The following DLG2 variants were observed in gnomAD, a reference collection of about 807,000 sequenced individuals.
DLG2 encodes the protein discs large MAGUK scaffold protein 2, also known as disks large homolog 2.
A neutral mutation model predicts 132.5 loss-of-function variants in DLG2; 45 were observed. The observed-to-expected ratio is 0.34, with a 90% CI of 0.27 to 0.44. The LOEUF (loss-of-function observed/expected upper bound fraction) is 0.44, where lower values mean the gene tolerates loss of function less well. Ranked by LOEUF, DLG2 falls within the 20% of genes least tolerant of loss-of-function variation. The pLI is 1.00. For missense variants in DLG2, 1,045 were observed against 1,196.9 expected (o/e 0.87, Z 1.87); for synonymous variants, 424 against 419.6 (o/e 1.01, Z -0.13).
chr11:84,502,618 G>A (rs571325489), intron 7 of DLG2, among the ~76,000 whole-genome samples: 7 of 151,452 alleles, frequency 4.6e-5, no homozygotes, highest in South Asian at 2.1e-4. Context: ...GGCTAATTTC[G>A]AACTCCTGGC....
intron 3 of DLG2, among the ~76,000 whole-genome samples, chr11:85,295,211 G>T (rs760467309): frequency 1.3e-5 from 2 of 152,070 alleles, no homozygotes; most frequent in East Asian, 3.9e-4. Flanking sequence ...GATTTACCAT[G>T]TAAATTCTAC....
chr11:84,770,643 CTT>C (rs34470318), intron 6 of DLG2, among the ~76,000 whole-genome samples: 6 of 140,318 alleles, frequency 4.3e-5, no homozygotes, highest in Middle Eastern at 3.5e-3. Flanking sequence ...TGATTTCATT[CTT>C]TTTTTTTTTT....
At chr11:84,388,235 G>A (rs950509303) in intron 7 of DLG2, among the ~76,000 whole-genome samples, 5 of 152,100 alleles carry the variant, frequency 3.3e-5, no homozygotes, top group Middle Eastern at 3.2e-3. Flanking sequence ...GCGGATGGCC[G>A]TGTCATTAAT....
At chr11:85,040,753 T>C (rs2061792577) in intron 6 of DLG2, among the ~76,000 whole-genome samples, 1 of 151,920 alleles carries the variant, frequency 6.6e-6, no homozygotes, top group African/African-American at 2.4e-5. Flanking sequence ...CTATGTTGAT[T>C]TGTTTAATCC....
At chr11:84,916,606 C>T (rs945372787) in intron 6 of DLG2, among the ~76,000 whole-genome samples, 4 of 152,162 alleles carry the variant, frequency 2.6e-5, no homozygotes, top group Non-Finnish European at 4.4e-5. Context: ...CCCTGGATTA[C>T]TGCAGGAACT....
chr11:85,194,678 G>C (rs1287649590), intron 4 of DLG2, among the ~76,000 whole-genome samples: 1 of 151,672 alleles, frequency 6.6e-6, no homozygotes, highest in African/African-American at 2.4e-5. Flanking sequence ...TTAAATGCTG[G>C]TACATCCCTC....
intron 19 of DLG2, among the ~76,000 whole-genome samples, chr11:83,607,725 CA>C (rs2059551459): frequency 6.6e-6 from 1 of 152,148 alleles, no homozygotes; most frequent in Non-Finnish European, 1.5e-5. Context: ...TATCCTTCAA[CA>C]GAAGAATGGA....
In DLG2 at chr11:83,997,730, C is replaced by CAAAAAAAAAAAAAAAAAAAAAA. The variant is rs71066079; in HGVS notation, c.920-17110_920-17089dup. On this transcript the variant is annotated intron_variant, in intron 11 of 27. Coordinates refer to ENST00000376104, the MANE Select transcript of DLG2 (RefSeq NM_001142699.3). ...TGGGTGACAGAGCAAGACTCCATCT[C>CAAAAAAAAAAAAAAAAAAAAAA]AAAAAAAAAAAAAAAAAAAAAAAAA... is the stretch of plus-strand genomic sequence containing the variant. 1.2e-4 allele frequency among the ~76,000 whole-genome samples: 3 copies of CAAAAAAAAAAAAAAAAAAAAAA among 24,796 alleles called. 1 individual carries two copies. The highest frequency in any genetic ancestry group is 4.5e-4 in the African/African-American group (3 of 6,722). The allele number at this position is 24,796 out of a possible 152,430, so 16.3% of individuals were successfully genotyped here. A position where few individuals can be genotyped will look rare whatever the true frequency, so the allele number is the denominator to read the frequency against.
At chr11:85,510,012 G>A (rs906170190) in intron 3 of DLG2, 2 of 142,560 alleles carry the variant, frequency 1.4e-5, no homozygotes, top group African/African-American at 5.2e-5. Flanking sequence ...ACAAAAGGAT[G>A]ACACACAAAT....
chr11:85,093,006 A>G (rs529796196), intron 6 of DLG2, among the ~76,000 whole-genome samples: 17 of 152,176 alleles, frequency 1.1e-4, no homozygotes, highest in Non-Finnish European at 2.2e-4. Flanking sequence ...AGGAATATCC[A>G]TCACCTCAAG....
At chr11:84,103,975 G>A (rs774642451) in intron 9 of DLG2, among the ~76,000 whole-genome samples, 1 of 151,818 alleles carries the variant, frequency 6.6e-6, no homozygotes, top group Non-Finnish European at 1.5e-5. Flanking sequence ...TTATCCTAAA[G>A]AAATAATCAG....
intron 7 of DLG2, among the ~76,000 whole-genome samples, chr11:84,441,937 G>C (rs1364682285): frequency 6.6e-6 from 1 of 152,088 alleles, no homozygotes; most frequent in African/African-American, 2.4e-5. Context: ...TAGATGTGTG[G>C]TGTTATTTCT....
intron 7 of DLG2, among the ~76,000 whole-genome samples, chr11:84,398,998 T>G (rs528864230): frequency 3.6e-4 from 55 of 152,326 alleles, no homozygotes; most frequent in African/African-American, 1.3e-3. Flanking sequence ...ATATTTTCAC[T>G]TTTTAGTATG....
intron 17 of DLG2, among the ~76,000 whole-genome samples, chr11:83,791,736 C>T (rs1252440673): frequency 6.6e-6 from 1 of 152,180 alleles, no homozygotes; most frequent in Non-Finnish European, 1.5e-5. Context: ...GAGCTCAAGA[C>T]CAGCTTGGGC....
chr11:83,623,062 T>C (rs374141668), intron 19 of DLG2, among the ~76,000 whole-genome samples: 1 of 152,216 alleles, frequency 6.6e-6, no homozygotes, highest in African/African-American at 2.4e-5. Flanking sequence ...AGTCTTTTCA[T>C]AGGTCTAGAA....
At chr11:83,485,533 C>A (rs753691807) in intron 21 of DLG2, among the ~76,000 whole-genome samples, 4 of 152,088 alleles carry the variant, frequency 2.6e-5, no homozygotes, top group Admixed American at 1.3e-4. Context: ...TGTTACCACA[C>A]GGCTATTGAA....
chr11:84,686,938 T>TCTGGC (rs2099738728), intron 6 of DLG2: 1 of 152,242 alleles, frequency 6.6e-6, no homozygotes, highest in Admixed American at 6.6e-5. Flanking sequence ...TGTGGTTGAT[T>TCTGGC]CTGGCCCTAA....
rs148096976 is a variant in DLG2, at chr11:83,629,108, T to C, written c.1940+4103A>G. On this transcript the variant is annotated intron_variant, in intron 19 of 27. Coordinates refer to ENST00000376104, the MANE Select transcript of DLG2 (RefSeq NM_001142699.3). ...CTTAGATATCTTTCCATGGAAGCAA[T>C]CAAGATTCCAGGCCTTTCTAGAGCT... Among the ~76,000 whole-genome samples, 368 of 152,276 alleles carry C rather than the reference T, an allele frequency of 2.4e-3. 1 individual carries two copies. Among genetic ancestry groups the C allele is most frequent in the African/African-American group, 8.3e-3 (346 of 41,562 alleles).
In DLG2 at chr11:85,288,855, C is replaced by T. The variant is rs79560854; in HGVS notation, c.41-3490G>A. 1.7e-3 allele frequency among the ~76,000 whole-genome samples: 258 copies of T among 152,000 alleles called. 2 individuals carry two copies. Among genetic ancestry groups the T allele is most frequent in the African/African-American group, 6.0e-3 (250 of 41,480 alleles). ...TTTCATGAGCAGTATTTGCAAGTCA[C>T]CAAAATTTGAAATACTACGTGTACA... is the stretch of plus-strand genomic sequence containing the variant. On this transcript the variant is annotated intron_variant, in intron 3 of 27. Transcript: ENST00000376104.
Sources: allele counts gnomAD v4.1 joint callset (sites outside exome capture counted in the v4.1 genomes callset), GRCh38; gene constraint gnomAD v4.1.1; transcripts MANE v1.5; gene names NCBI Gene and HGNC (gene_info 2026-07-23, HGNC 2026-07-21).